Variants in MED13L observed in about 807,000 individuals in gnomAD.
MED13L encodes mediator of RNA polymerase II transcription subunit 13-like.
MED13L carries 7 observed loss-of-function variants against 220.9 expected under a neutral mutation model. The observed-to-expected ratio is 0.03, with a 90% CI of 0.02 to 0.06. The LOEUF (loss-of-function observed/expected upper bound fraction) is 0.06. MED13L is among the 10% of genes least tolerant of loss of function. The pLI is 1.00. For synonymous variants in MED13L, 1,011 were observed against 1,015.2 expected, an observed-to-expected ratio of 1.00 and a Z score of 0.08; for missense variants, 1,965 against 2,760.5, an observed-to-expected ratio of 0.71 and a Z score of 6.46.
intron 4 of MED13L, among the ~76,000 whole-genome samples, chr12:116,087,021 C>A (rs1871754317): frequency 6.6e-6 from 1 of 152,064 alleles, no homozygotes; most frequent in Non-Finnish European, 1.5e-5. Flanking sequence ...ATAGTAGAAA[C>A]ACCTACCTTA....
intron 2 of MED13L, among the ~76,000 whole-genome samples, chr12:116,226,193 G>A (rs1868972996): frequency 6.6e-6 from 1 of 151,876 alleles, no homozygotes; most frequent in Admixed American, 6.6e-5. Context: ...AAAAAAGAGA[G>A]GGAGAGAGAG....
intron 1 of MED13L, among the ~76,000 whole-genome samples, chr12:116,266,297 A>T (rs962344060): frequency 6.6e-6 from 1 of 152,204 alleles, no homozygotes; most frequent in African/African-American, 2.4e-5. Flanking sequence ...AAGAGAAGGG[A>T]AGTGCTAAAA....
chr12:116,275,562 T>C (rs2138609818), intron 1 of MED13L, among the ~76,000 whole-genome samples: 1 of 152,196 alleles, frequency 6.6e-6, no homozygotes, highest in East Asian at 1.9e-4. Flanking sequence ...ATTTCTCCAT[T>C]AGTCTCATAG....
intron 4 of MED13L, 76 bp downstream of exon 4, chr12:116,096,589 GAAAT>G: frequency 3.9e-6 from 4 of 1,020,214 alleles, no homozygotes; most frequent in Non-Finnish European, 6.2e-6. Context: ...ACATTATTAG[GAAAT>G]AAATAAATCA....
Position 116,203,132 on chromosome 12 carries a change from C to A in MED13L, c.310+34336G>T, listed in dbSNP as rs552946333. ...TTCAAACTGTATTCCTCTGAACTCTCGAGTTTCATCAAAGTGCCTCAGAGA... is the reference window on the plus strand; with the variant it reads ...TTCAAACTGTATTCCTCTGAACTCTAGAGTTTCATCAAAGTGCCTCAGAGA... On this transcript the variant is annotated intron_variant, in intron 2 of 30. Coordinates refer to ENST00000281928, the MANE Select transcript of MED13L (RefSeq NM_015335.5). 1.8e-4 allele frequency among the ~76,000 whole-genome samples: 27 copies of A among 152,284 alleles called. 2 individuals carry two copies. In the South Asian group the frequency reaches 5.6e-3, roughly 32 times the overall value.
At chr12:116,208,130 C>T (rs1360925963) in intron 2 of MED13L, among the ~76,000 whole-genome samples, 1 of 152,210 alleles carries the variant, frequency 6.6e-6, no homozygotes, top group African/African-American at 2.4e-5. Flanking sequence ...CGCAGTGGCT[C>T]ACTCCTGTAA....
At chr12:116,020,109 G>C in intron 5 of MED13L, 137 bp from the exon 6 acceptor site, 3 of 834,634 alleles carry the variant, frequency 3.6e-6, no homozygotes, top group South Asian at 3.6e-5. Flanking sequence ...TCTATTTAAA[G>C]TATGATTTAA....
chr12:115,959,157 T>C lies in MED13L; in HGVS notation c.*2109A>G, dbSNP rs944939861. ...ACACAGAAGTACATAATAAGATTTT[T>C]TAAAATCTATTGCCATTCATTTATT... On this transcript the variant is annotated 3_prime_UTR_variant, in exon 31 of 31. Coordinates refer to ENST00000281928, the MANE Select transcript of MED13L (RefSeq NM_015335.5). 6.6e-6 allele frequency: 1 copy of C among 152,614 alleles called. No homozygotes were observed. Among genetic ancestry groups the C allele is most frequent in the Admixed American group, 6.5e-5 (1 of 15,286 alleles). 9.5% of individuals were successfully genotyped at this position (152,614 alleles called of 1,614,324 possible).
intron 7 of MED13L, among the ~76,000 whole-genome samples, chr12:116,017,521 T>A (rs572919912): frequency 2.0e-5 from 3 of 152,254 alleles, no homozygotes; most frequent in Non-Finnish European, 4.4e-5. Flanking sequence ...CAAAAGACTA[T>A]GAAAGTTCTT....
chr12:116,076,566 T>C lies in MED13L; in HGVS notation c.479+20103A>G, dbSNP rs1593015736. Reference sequence around the variant, plus strand: ...ACAAAACAAAATAAAAACCAAAAACTACAAAACGCACTCACTAAAAACAGT... The same window carrying C: ...ACAAAACAAAATAAAAACCAAAAACCACAAAACGCACTCACTAAAAACAGT... On this transcript the variant is annotated intron_variant, in intron 4 of 30. Transcript: ENST00000281928. Among the ~76,000 whole-genome samples, 7 of 152,004 alleles carry C rather than the reference T, an allele frequency of 4.6e-5. 2 individuals are homozygous for C. In the South Asian group the frequency reaches 1.5e-3, roughly 32 times the overall value.
chr12:116,059,838 G>A (rs2137627641), intron 4 of MED13L, among the ~76,000 whole-genome samples: 1 of 152,056 alleles, frequency 6.6e-6, no homozygotes, highest in East Asian at 1.9e-4. Flanking sequence ...AAAGAAAAAT[G>A]GATTAAGAGT....
At chr12:116,234,215 CTATTTATTTATT>C (rs74508824) in intron 2 of MED13L, among the ~76,000 whole-genome samples, 7 of 149,758 alleles carry the variant, frequency 4.7e-5, no homozygotes, top group Non-Finnish European at 8.9e-5. Context: ...CAGGATTCTG[CTATTTATTTATT>C]TATTTATTTA....
At chr12:116,188,491 C>G (rs1289584587) in intron 2 of MED13L, among the ~76,000 whole-genome samples, 1 of 152,112 alleles carries the variant, frequency 6.6e-6, no homozygotes, top group African/African-American at 2.4e-5. Context: ...AAAAGTAATT[C>G]ACTTACATTA....
intron 2 of MED13L, among the ~76,000 whole-genome samples, chr12:116,164,920 A>G (rs1879136869): frequency 6.6e-6 from 1 of 152,240 alleles, no homozygotes; most frequent in Non-Finnish European, 1.5e-5. Flanking sequence ...TCACTGCCAC[A>G]GCAATAACAA....
At chr12:116,268,305 A>G (rs905244156) in intron 1 of MED13L, among the ~76,000 whole-genome samples, 5 of 152,220 alleles carry the variant, frequency 3.3e-5, no homozygotes, top group East Asian at 1.9e-4. Flanking sequence ...CAAATGTTCC[A>G]GTTAGATATA....
At chr12:116,255,259 A>G (rs1237044374) in intron 1 of MED13L, among the ~76,000 whole-genome samples, 1 of 152,222 alleles carries the variant, frequency 6.6e-6, no homozygotes, top group African/African-American at 2.4e-5. Flanking sequence ...AATTTTTAAC[A>G]AAGATTCTAA....
At chr12:116,061,280 C>G (rs1869460224) in intron 4 of MED13L, among the ~76,000 whole-genome samples, 1 of 151,892 alleles carries the variant, frequency 6.6e-6, no homozygotes, top group Non-Finnish European at 1.5e-5. Flanking sequence ...GTATTTAAAT[C>G]CAGATGCATT....
rs1172761007 is a variant in MED13L, at chr12:116,068,994, G to C, written c.479+27675C>G. On this transcript the variant is annotated intron_variant, in intron 4 of 30. Coordinates refer to ENST00000281928, the MANE Select transcript of MED13L (RefSeq NM_015335.5). ...CTAACGTCATTACCGAGTGCCATGA[G>C]AATGATAAAGGCAGTGCCTCCCTTG... Among the ~76,000 whole-genome samples, 9 of 152,190 alleles carry C rather than the reference G, an allele frequency of 5.9e-5. No individual in the cohort carries two copies. In the East Asian group the frequency reaches 1.7e-3, roughly 29 times the overall value.
intron 2 of MED13L, among the ~76,000 whole-genome samples, chr12:116,139,689 T>C (rs1449575736): frequency 6.6e-6 from 1 of 152,098 alleles, no homozygotes; most frequent in African/African-American, 2.4e-5. Flanking sequence ...GCTTGCTGAG[T>C]GTGCTTTAAA....
Sources: gnomAD v4.1 joint callset for allele counts (sites outside exome capture counted in the v4.1 genomes callset) on GRCh38, gnomAD v4.1.1 for gene constraint, MANE v1.5 for transcripts, NCBI Gene and HGNC (gene_info 2026-07-23, HGNC 2026-07-21) for gene names.